ATL2: variants seen among roughly 807,000 people sequenced by gnomAD.
ATL2 encodes the protein atlastin-2.
A neutral mutation model predicts 73.9 loss-of-function variants in ATL2; 31 were observed. The ratio of observed to expected loss-of-function variants is 0.42; its 90% CI spans 0.32 to 0.57. The LOEUF is 0.57. Ranked by LOEUF, ATL2 falls within the 20% of genes least tolerant of loss-of-function variation. The probability of loss-of-function intolerance (pLI) is 0.14; values close to 1 mark genes in which losing one functional copy is unlikely to be tolerated. For missense variants in ATL2, 738 were observed against 702.6 expected, an observed-to-expected ratio of 1.05 and a Z score of -0.57; for synonymous variants, 291 against 237.5, an observed-to-expected ratio of 1.23 and a Z score of -2.07.
At chr2:38,322,830 G>T (rs1668398299) in intron 2 of ATL2, among the ~76,000 whole-genome samples, 1 of 152,150 alleles carries the variant, frequency 6.6e-6, no homozygotes, top group African/African-American at 2.4e-5. Context: ...AGTGAGCTAT[G>T]ATGATGCCAC....
chr2:38,370,703 T>A (rs890055730), intron 1 of ATL2, among the ~76,000 whole-genome samples: 1 of 151,720 alleles, frequency 6.6e-6, no homozygotes, highest in Admixed American at 6.6e-5. Flanking sequence ...GAGGTGGAGG[T>A]TGCAGTGAGC....
chr2:38,315,440 A>C (rs766919464), intron 4 of ATL2, 106 bp from the exon 5 acceptor site: 3 of 1,166,716 alleles, frequency 2.6e-6, no homozygotes, highest in Non-Finnish European at 3.5e-6. Flanking sequence ...ATCTCAGCGC[A>C]AAGGAATCAT....
chr2:38,299,151 A>C (rs1667056606), intron 11 of ATL2, 105 bp downstream of exon 11: 1 of 1,064,216 alleles, frequency 9.4e-7, no homozygotes, highest in Non-Finnish European at 1.3e-6. Context: ...ATGTACCATA[A>C]GCTGCACAAA....
intron 8 of ATL2, among the ~76,000 whole-genome samples, chr2:38,309,735 T>G (rs1000800992): frequency 1.3e-5 from 2 of 152,078 alleles, no homozygotes; most frequent in African/African-American, 4.8e-5. Flanking sequence ...ACACTGCCAG[T>G]TCAAATAACA....
chr2:38,370,404 G>A (rs1332487636), intron 1 of ATL2, among the ~76,000 whole-genome samples: 2 of 129,698 alleles, frequency 1.5e-5, no homozygotes, highest in Admixed American at 9.4e-5. Flanking sequence ...AGCCAAGATC[G>A]CGCCACTGCG....
At position 38,309,444 on chromosome 2, in the gene ATL2, T is replaced by A; in HGVS notation, c.1006A>T (p.Asn336Tyr). The A allele has an allele frequency of 6.2e-7, 1 of 1,612,732 alleles. No homozygotes were observed. The highest frequency in any genetic ancestry group is 8.5e-7 in the Non-Finnish European group (1 of 1,179,688). The change falls in exon 9 of 13, where the codon AAT becomes TAT. Residue 336 changes from asparagine to tyrosine, a missense_variant. Physicochemically the swap from Asn to Tyr is moderately radical, Grantham distance 143 (BLOSUM62 -2). Transcript: ENST00000378954. ...NLVPLLLAPENLVEKEISGSK... is the reference protein window; with the variant it reads ...NLVPLLLAPEYLVEKEISGSK... ...CCACTTATCTCTTTTTCTACCAAATTTTCAGGGGCAAGCAGCAATGGAACC... is the reference window on the plus strand; with the variant it reads ...CCACTTATCTCTTTTTCTACCAAATATTCAGGGGCAAGCAGCAATGGAACC...
At chr2:38,334,311 T>G (rs1171104172) in intron 2 of ATL2, among the ~76,000 whole-genome samples, 1 of 150,858 alleles carries the variant, frequency 6.6e-6, no homozygotes, top group African/African-American at 2.4e-5. Context: ...ATTACAGGCA[T>G]GAGCCACCGA....
chr2:38,310,280 C>T lies in ATL2; in HGVS notation c.943+29G>A, dbSNP rs754504385. 10 of 1,607,122 alleles carry T rather than the reference C, an allele frequency of 6.2e-6. No individual in the cohort carries two copies. The East Asian group carries it at 1.6e-4, about 25-fold the overall frequency. On this transcript the variant is annotated intron_variant, in intron 8 of 12. Coordinates refer to ENST00000378954, the MANE Select transcript of ATL2 (RefSeq NM_001135673.4). ...ACTTTCCACCTCTAATAAATAAGTTCAGATTTTAGCAAGAATGGGAATTCC... is the reference window on the plus strand; with the variant it reads ...ACTTTCCACCTCTAATAAATAAGTTTAGATTTTAGCAAGAATGGGAATTCC...
chr2:38,354,460 C>T (rs969189285), intron 1 of ATL2, among the ~76,000 whole-genome samples: 4 of 152,096 alleles, frequency 2.6e-5, no homozygotes, highest in Non-Finnish European at 5.9e-5. Flanking sequence ...AATGAAATTA[C>T]ACCCTAAGGT....
intron 1 of ATL2, among the ~76,000 whole-genome samples, chr2:38,360,032 A>C (rs1417911116): frequency 1.3e-5 from 2 of 150,908 alleles, no homozygotes. Context: ...TGGGAGGCTG[A>C]GACACGAGAA....
chr2:38,345,090 C>A (rs1485747756), intron 1 of ATL2, among the ~76,000 whole-genome samples: 1 of 152,156 alleles, frequency 6.6e-6, no homozygotes, highest in Non-Finnish European at 1.5e-5. Flanking sequence ...TCTCTACCAA[C>A]TGCTTGATCC....
At chr2:38,299,217 T>A in intron 11 of ATL2, 39 bp downstream of exon 11, 5 of 1,467,472 alleles carry the variant, frequency 3.4e-6, no homozygotes, top group Non-Finnish European at 4.5e-6. Context: ...TTTAAAAATC[T>A]TCTCACTCCA....
At position 38,342,866 on chromosome 2, in the gene ATL2, A is replaced by T. The variant is rs530718267; in HGVS notation, c.363+402T>A. On this transcript the variant is annotated intron_variant, in intron 2 of 12. Coordinates refer to ENST00000378954, the MANE Select transcript of ATL2 (RefSeq NM_001135673.4). ...TGGCGATGAAGAATCAAGAGCTCAA[A>T]CTTACATTACTGTATTGACCAGGAA... Among the ~76,000 whole-genome samples, 38 of 152,238 alleles carry T rather than the reference A, an allele frequency of 2.5e-4. No individual in the cohort carries two copies. The South Asian group carries it at 7.7e-3, about 31-fold the overall frequency.
intron 9 of ATL2, among the ~76,000 whole-genome samples, chr2:38,308,705 A>C (rs747519631): frequency 6.6e-6 from 1 of 152,108 alleles, no homozygotes; most frequent in Non-Finnish European, 1.5e-5. Context: ...TATCAAAAAT[A>C]TCTCATGTAC....
chr2:38,348,355 A>G (rs1670144691), intron 1 of ATL2, among the ~76,000 whole-genome samples: 1 of 151,870 alleles, frequency 6.6e-6, no homozygotes, highest in African/African-American at 2.4e-5. Flanking sequence ...AATCCCAGAT[A>G]CTCAGGAGGC....
chr2:38,294,958 G>C lies in ATL2; in HGVS notation c.*1036C>G, dbSNP rs986509876. On this transcript the variant is annotated 3_prime_UTR_variant, in exon 13 of 13. Coordinates refer to ENST00000378954, the MANE Select transcript of ATL2 (RefSeq NM_001135673.4). ...GGAAATAACTTTAAAATGCAACAGA[G>C]GACAAAGTCACAATAAACATTCCCA... 4 of 129,228 alleles carry C rather than the reference G, an allele frequency of 3.1e-5. No homozygotes were observed. The highest frequency in any genetic ancestry group is 1.1e-4 in the African/African-American group (4 of 36,544). 8.0% of individuals were successfully genotyped at this position (129,228 alleles called of 1,614,324 possible).
In ATL2 at chr2:38,310,346, T is replaced by C. The variant is rs1254185120; in HGVS notation, c.906A>G (p.Lys302=). The C allele has an allele frequency of 6.2e-7, 1 of 1,612,850 alleles. No homozygotes were observed. The highest frequency in any genetic ancestry group is 1.7e-5 in the Admixed American group (1 of 59,736). Residue 302 remains lysine (K), a synonymous_variant, in exon 8 of 13, where the codon AAA becomes AAG. Transcript: ENST00000378954. ...CATCAAAACTAGGATTAGTTGCAACTTTAAGACCAGGATGTGGCAAAAGGA... is the reference window on the plus strand; with the variant it reads ...CATCAAAACTAGGATTAGTTGCAACCTTAAGACCAGGATGTGGCAAAAGGA... ...GCFLLPHPGL[K]VATNPSFDGR...
At chr2:38,319,613 AAAAG>A (rs1476026344) in intron 2 of ATL2, among the ~76,000 whole-genome samples, 7 of 146,498 alleles carry the variant, frequency 4.8e-5, no homozygotes, top group African/African-American at 5.5e-5. Flanking sequence ...ACAAAAAAAA[AAAAG>A]AGAGAGAGAG....
At chr2:38,317,679 G>C (rs1215770289) in intron 4 of ATL2, among the ~76,000 whole-genome samples, 1 of 151,908 alleles carries the variant, frequency 6.6e-6, no homozygotes, top group Admixed American at 6.6e-5. Context: ...AGACTTCTAA[G>C]CTTAATTACC....
Sources: gnomAD v4.1 joint callset for allele counts (sites outside exome capture counted in the v4.1 genomes callset) on GRCh38, gnomAD v4.1.1 for gene constraint, MANE v1.5 for transcripts, NCBI Gene and HGNC (gene_info 2026-07-23, HGNC 2026-07-21) for gene names.